Variants in NAALADL2 observed in about 807,000 individuals in gnomAD.
The protein encoded by NAALADL2 is N-acetylated alpha-linked acidic dipeptidase like 2.
In NAALADL2, 76 loss-of-function variants were observed where a neutral mutation model predicts 87.2. That is an observed-to-expected ratio of 0.87 (90% CI 0.72 to 1.05). The LOEUF is 1.05. Ranked by LOEUF, NAALADL2 falls within the 50% of genes least tolerant of loss-of-function variation. The pLI, the probability that NAALADL2 is intolerant of heterozygous loss-of-function variation, is 0.00. For synonymous variants in NAALADL2, 354 were observed against 331.0 expected, an observed-to-expected ratio of 1.07 and a Z score of -0.75; for missense variants, 1,089 against 945.8, an observed-to-expected ratio of 1.15 and a Z score of -1.99.
intron 6 of NAALADL2, among the ~76,000 whole-genome samples, chr3:175,453,279 A>C (rs1721846428): frequency 6.6e-6 from 1 of 152,074 alleles, no homozygotes; most frequent in Non-Finnish European, 1.5e-5. Context: ...TATGTTATGG[A>C]CCAACACTGT....
intron 2 of NAALADL2, among the ~76,000 whole-genome samples, chr3:175,139,409 A>G (rs1255919666): frequency 6.6e-6 from 1 of 152,096 alleles, no homozygotes; most frequent in Middle Eastern, 3.3e-3. Context: ...ATACAATTTT[A>G]TCTTTCTTAG....
chr3:175,306,272 T>C (rs1238757433), intron 4 of NAALADL2, among the ~76,000 whole-genome samples: 2 of 152,168 alleles, frequency 1.3e-5, no homozygotes, highest in Non-Finnish European at 2.9e-5. Flanking sequence ...AATGATGCTA[T>C]TTTACATATT....
At chr3:175,401,945 T>A (rs1036749892) in intron 5 of NAALADL2, among the ~76,000 whole-genome samples, 1 of 152,098 alleles carries the variant, frequency 6.6e-6, no homozygotes, top group Admixed American at 6.6e-5. Flanking sequence ...TGGCAGGAGA[T>A]GTTAAAGCCT....
chr3:175,422,564 T>C (rs768158307), intron 5 of NAALADL2, among the ~76,000 whole-genome samples: 6 of 151,810 alleles, frequency 4.0e-5, no homozygotes, highest in Non-Finnish European at 7.4e-5. Context: ...AGAAATCTTC[T>C]CCACAAAGGT....
At chr3:175,331,308 G>A (rs1761366929) in intron 5 of NAALADL2, among the ~76,000 whole-genome samples, 1 of 152,098 alleles carries the variant, frequency 6.6e-6, no homozygotes, top group South Asian at 2.1e-4. Context: ...TATCATGCCA[G>A]CATTACTTTG....
At chr3:175,773,834 G>A (rs777545815) in intron 13 of NAALADL2, among the ~76,000 whole-genome samples, 45 of 152,062 alleles carry the variant, frequency 3.0e-4, no homozygotes, top group Non-Finnish European at 6.2e-4. Context: ...GCAATGAGTT[G>A]ACATAAGTGA....
intron 1 of NAALADL2, among the ~76,000 whole-genome samples, chr3:174,903,304 G>A (rs944849974): frequency 3.4e-4 from 52 of 151,980 alleles, no homozygotes; most frequent in African/African-American, 1.1e-3. Flanking sequence ...ATAAGAAGAC[G>A]CAATAATCTG....
At chr3:175,602,892 T>C (rs1227549996) in intron 10 of NAALADL2, among the ~76,000 whole-genome samples, 1 of 152,196 alleles carries the variant, frequency 6.6e-6, no homozygotes, top group Non-Finnish European at 1.5e-5. Context: ...TTTACCAAGA[T>C]TCATCTATTG....
At chr3:175,609,284 T>G (rs142409408) in intron 10 of NAALADL2, among the ~76,000 whole-genome samples, 2 of 152,244 alleles carry the variant, frequency 1.3e-5, no homozygotes, top group African/African-American at 4.8e-5. Context: ...ATAGAATTTT[T>G]AAGGATATTA....
At chr3:174,819,914 G>A (rs1310936368) in intron 3 of NAALADL2, among the ~76,000 whole-genome samples, 1 of 152,056 alleles carries the variant, frequency 6.6e-6, no homozygotes, top group Admixed American at 6.6e-5. Context: ...TTTTGATCAT[G>A]ATCAATTAGG....
At chr3:175,569,470 T>C (rs776773204) in intron 9 of NAALADL2, among the ~76,000 whole-genome samples, 14 of 152,138 alleles carry the variant, frequency 9.2e-5, no homozygotes, top group Non-Finnish European at 1.6e-4. Context: ...GACTAAATGT[T>C]TGTGTCCCCT....
At chr3:175,534,971 C>T (rs971465837) in intron 9 of NAALADL2, among the ~76,000 whole-genome samples, 3 of 151,798 alleles carry the variant, frequency 2.0e-5, no homozygotes, top group African/African-American at 7.3e-5. Context: ...TTCAGAAGTC[C>T]TCAGGGTCAA....
intron 3 of NAALADL2, among the ~76,000 whole-genome samples, chr3:174,742,102 A>G (rs936641377): frequency 4.6e-5 from 7 of 151,666 alleles, no homozygotes; most frequent in Middle Eastern, 3.2e-3. Context: ...TCTCTCTTTC[A>G]TAATAAAATA....
intron 1 of NAALADL2, among the ~76,000 whole-genome samples, chr3:174,530,052 C>T (rs75891499): frequency 4.1e-4 from 62 of 152,216 alleles, no homozygotes; most frequent in African/African-American, 1.4e-3. Flanking sequence ...TCTTTTCTAT[C>T]GCATTGTCAG....
chr3:175,090,872 T>G (rs1719974620), intron 1 of NAALADL2, among the ~76,000 whole-genome samples: 1 of 152,136 alleles, frequency 6.6e-6, no homozygotes, highest in Non-Finnish European at 1.5e-5. Context: ...ATTATTTCTT[T>G]TATGTGGTTG....
chr3:175,353,646 C>T (rs1245057394), intron 5 of NAALADL2, among the ~76,000 whole-genome samples: 1 of 152,084 alleles, frequency 6.6e-6, no homozygotes, highest in Non-Finnish European at 1.5e-5. Flanking sequence ...AAAGACTCTT[C>T]AAAGAAAATG....
intron 1 of NAALADL2, among the ~76,000 whole-genome samples, chr3:174,959,843 T>A (rs2108549641): frequency 6.6e-6 from 1 of 152,206 alleles, no homozygotes; most frequent in Non-Finnish European, 1.5e-5. Flanking sequence ...TCACTTAGAT[T>A]TGTTAGCAGT....
At chr3:175,276,955 A>C (rs1013489716) in intron 4 of NAALADL2, among the ~76,000 whole-genome samples, 1 of 152,144 alleles carries the variant, frequency 6.6e-6, no homozygotes, top group African/African-American at 2.4e-5. Flanking sequence ...ATTCTAGTCA[A>C]GAGATGTTGT....
chr3:175,783,298 G>T (rs996578255), intron 13 of NAALADL2, among the ~76,000 whole-genome samples: 5 of 152,010 alleles, frequency 3.3e-5, no homozygotes, highest in African/African-American at 1.2e-4. Context: ...ACCTTGGGCA[G>T]TATGGCCATT....
Sources: allele counts gnomAD v4.1 joint callset (sites outside exome capture counted in the v4.1 genomes callset), GRCh38; gene constraint gnomAD v4.1.1; transcripts MANE v1.5; gene names NCBI Gene and HGNC (gene_info 2026-07-23, HGNC 2026-07-21).